Variants in ARHGAP39 observed in about 807,000 individuals in gnomAD.
The protein encoded by ARHGAP39 is rho GTPase-activating protein 39.
In ARHGAP39, 44 loss-of-function variants were observed where a neutral mutation model predicts 106.9. The observed-to-expected ratio is 0.41, with a 90% CI of 0.32 to 0.53. The LOEUF (loss-of-function observed/expected upper bound fraction) is 0.53. ARHGAP39 is among the 20% of genes least tolerant of loss of function. ARHGAP39 has a pLI of 0.21. For synonymous variants in ARHGAP39, 768 were observed against 693.2 expected, an observed-to-expected ratio of 1.11 and a Z score of -1.69; for missense variants, 1,496 against 1,577.3, an observed-to-expected ratio of 0.95 and a Z score of 0.87.
At chr8:144,588,164 C>T (rs932391567) in intron 2 of ARHGAP39, among the ~76,000 whole-genome samples, 10 of 152,358 alleles carry the variant, frequency 6.6e-5, no homozygotes, top group African/African-American at 2.4e-4. Context: ...ACTGTGGGGA[C>T]TCGTTGCCCT....
In ARHGAP39 at chr8:144,530,282, G is replaced by A. The variant is rs1051217642; in HGVS notation, c.*140C>T. On this transcript the variant is annotated 3_prime_UTR_variant, in exon 12 of 12. Coordinates refer to ENST00000377307, the MANE Select transcript of ARHGAP39 (RefSeq NM_025251.3). ...AGACCAGGCAGAAGACGTGGGGAGC[G>A]CCGGGGCCAGGGGCCTGGGGGAGTG... is the stretch of plus-strand genomic sequence containing the variant. 3.2e-6 allele frequency: 3 copies of A among 931,398 alleles called. No homozygotes were observed. Among genetic ancestry groups the A allele is most frequent in the Non-Finnish European group, 4.7e-6 (3 of 635,786 alleles). 57.7% of individuals were successfully genotyped at this position (931,398 alleles called of 1,614,324 possible).
Position 144,545,400 on chromosome 8 carries a change from C to T in ARHGAP39, c.2370G>A (p.Arg790=), listed in dbSNP as rs1293298393. The change falls in exon 6 of 12, where the codon CGG becomes CGA. Residue 790 remains arginine (R), a synonymous_variant. Coordinates refer to ENST00000377307, the MANE Select transcript of ARHGAP39 (RefSeq NM_025251.3). ...CCAGGCGGAAGTTCTCGGTGGTCTG[C>T]CGGCACAGCTGGATGTAGAGCTCGT... ...LRDELYIQLC[R]QTTENFRLES... is the part of the protein sequence containing the mutation. 37 of 1,567,844 alleles carry T rather than the reference C, an allele frequency of 2.4e-5. No individual in the cohort carries two copies. Among genetic ancestry groups the T allele is most frequent in the Non-Finnish European group, 3.2e-5 (37 of 1,155,196 alleles).
Position 144,533,148 on chromosome 8 carries a change from C to G in ARHGAP39, c.2866G>C (p.Asp956His). 6.2e-7 allele frequency: 1 copy of G among 1,606,564 alleles called. No individual in the cohort carries two copies. Among genetic ancestry groups the G allele is most frequent in the East Asian group, 2.2e-5 (1 of 44,816 alleles). The part of the protein sequence containing the change: ...LSEEVLALNG[D>H]QTEGIFRVPG... ...CACCTGAAGATGCCCTCTGTCTGGT[C>G]ACCGTTGAGCGCCAGCACCTCCTCA... is the stretch of plus-strand genomic sequence containing the variant. Residue 956 changes from aspartate to histidine, a missense_variant, in exon 9 of 12, where the codon GAC becomes CAC. Coordinates refer to ENST00000377307, the MANE Select transcript of ARHGAP39 (RefSeq NM_025251.3).
Position 144,655,743 on chromosome 8 carries a change from A to G in ARHGAP39, c.-82+29943T>C, listed in dbSNP as rs934983915. On this transcript the variant is annotated intron_variant, in intron 1 of 11. Transcript: ENST00000377307. ...ATACCTCATTCTTCCTGGATGCAGGACAAGAACTTGGGCAAAGGCGCCACT... is the reference window on the plus strand; with the variant it reads ...ATACCTCATTCTTCCTGGATGCAGGGCAAGAACTTGGGCAAAGGCGCCACT... 5.9e-5 allele frequency among the ~76,000 whole-genome samples: 9 copies of G among 152,164 alleles called. 1 individual carries two copies. The highest frequency in any genetic ancestry group is 8.8e-5 in the Non-Finnish European group (6 of 68,032).
chr8:144,578,559 CACTTTGGCTCATGT>C (rs1172329329), intron 3 of ARHGAP39, among the ~76,000 whole-genome samples: 4 of 152,162 alleles, frequency 2.6e-5, no homozygotes, highest in Admixed American at 6.6e-5. Context: ...TGGCCATGCA[CACTTTGGCTCATGT>C]ACTTTGGCTC....
At position 144,530,132 on chromosome 8, in the gene ARHGAP39, A is replaced by G. The variant is rs1586864986; in HGVS notation, c.*290T>C. 6.7e-6 allele frequency: 3 copies of G among 447,828 alleles called. No individual in the cohort carries two copies. The highest frequency in any genetic ancestry group is 5.9e-4 in the Middle Eastern group (1 of 1,684). The allele number at this position is 447,828 out of a possible 1,614,324, so 27.7% of individuals were successfully genotyped here. A position where few individuals can be genotyped will look rare whatever the true frequency, so the allele number is the denominator to read the frequency against. On this transcript the variant is annotated 3_prime_UTR_variant, in exon 12 of 12. Transcript: ENST00000377307. ...GCAGCGTCGCTCGGCTCCAGGACAC[A>G]GAAGGCACTTTCTCGGAGCTGACCC...
At chr8:144,666,355 G>C (rs1031454219) in intron 1 of ARHGAP39, among the ~76,000 whole-genome samples, 6 of 152,166 alleles carry the variant, frequency 3.9e-5, no homozygotes, top group African/African-American at 1.4e-4. Flanking sequence ...GACTTTGGGG[G>C]GCTGTTGGGA....
In ARHGAP39 at chr8:144,574,669, G is replaced by A. The variant is rs192816709; in HGVS notation, c.512+6177C>T. Among the ~76,000 whole-genome samples the A allele has an allele frequency of 2.3e-3, 352 of 152,236 alleles. 1 individual carries two copies. The highest frequency in any genetic ancestry group is 6.9e-3 in the African/African-American group (286 of 41,554). ...AGCCTGGGCGACAGAGCGAGACTCC[G>A]TCTCAAAAACAAAAAATAATAATAA... On this transcript the variant is annotated intron_variant, in intron 3 of 11. Transcript: ENST00000377307.
intron 2 of ARHGAP39, among the ~76,000 whole-genome samples, chr8:144,600,920 G>A (rs562463973): frequency 1.4e-5 from 2 of 145,228 alleles, no homozygotes; most frequent in South Asian, 2.2e-4. Context: ...GCAAGCTCAT[G>A]TACCTGTGTG....
chr8:144,552,834 T>C (rs955990080), intron 4 of ARHGAP39, among the ~76,000 whole-genome samples: 3 of 152,116 alleles, frequency 2.0e-5, no homozygotes, highest in Middle Eastern at 3.4e-3. Flanking sequence ...TGCATCCATA[T>C]AATTTATTTC....
chr8:144,578,820 A>C (rs1563683663), intron 3 of ARHGAP39, among the ~76,000 whole-genome samples: 1 of 151,824 alleles, frequency 6.6e-6, no homozygotes, highest in Non-Finnish European at 1.5e-5. Flanking sequence ...CTCCAGCCCC[A>C]GAGACAAAGA....
intron 1 of ARHGAP39, among the ~76,000 whole-genome samples, chr8:144,623,127 G>A (rs998672985): frequency 5.3e-5 from 8 of 152,168 alleles, no homozygotes; most frequent in African/African-American, 1.7e-4. Context: ...GTTTGGAGGA[G>A]GGCAAAAATA....
intron 3 of ARHGAP39, among the ~76,000 whole-genome samples, chr8:144,577,350 T>C (rs998440168): frequency 2.6e-5 from 4 of 152,158 alleles, no homozygotes; most frequent in Non-Finnish European, 4.4e-5. Context: ...AACCACGTGA[T>C]CATCTTAACT....
chr8:144,560,772 T>A (rs542671790), intron 3 of ARHGAP39, among the ~76,000 whole-genome samples: 21 of 152,348 alleles, frequency 1.4e-4, no homozygotes, highest in African/African-American at 5.1e-4. Context: ...TAAAGGAGCA[T>A]GACGTCAACA....
intron 2 of ARHGAP39, among the ~76,000 whole-genome samples, chr8:144,602,732 G>T (rs1181229653): frequency 6.9e-6 from 1 of 145,744 alleles, no homozygotes; most frequent in Non-Finnish European, 1.5e-5. Flanking sequence ...GTACCTGTGT[G>T]TGTGCATGGA....
intron 1 of ARHGAP39, among the ~76,000 whole-genome samples, chr8:144,673,036 G>A (rs1365430704): frequency 6.6e-6 from 1 of 152,116 alleles, no homozygotes; most frequent in Non-Finnish European, 1.5e-5. Flanking sequence ...GGGTAACAGG[G>A]TGAAATCCTG....
In ARHGAP39 at chr8:144,530,354, G is replaced by A; in HGVS notation, c.*68C>T. 1.3e-6 allele frequency: 2 copies of A among 1,487,738 alleles called. No homozygotes were observed. Among genetic ancestry groups the A allele is most frequent in the Non-Finnish European group, 9.1e-7 (1 of 1,102,422 alleles). 92.2% of individuals were successfully genotyped at this position (1,487,738 alleles called of 1,614,324 possible). A position where few individuals can be genotyped will look rare whatever the true frequency, so the allele number is the denominator to read the frequency against. On this transcript the variant is annotated 3_prime_UTR_variant, in exon 12 of 12. Coordinates refer to ENST00000377307, the MANE Select transcript of ARHGAP39 (RefSeq NM_025251.3). ...CGGGCGATTCTGGCCCCTCTGCCGG[G>A]AGAGCGAGTGCGGAGTTCGGCCTGG...
rs1037710737 is a variant in ARHGAP39 at position 144,678,134 on chromosome 8, A to G, written c.-82+7552T>C. Among the ~76,000 whole-genome samples the G allele has an allele frequency of 4.1e-4, 63 of 152,082 alleles. 2 individuals carry two copies. The highest frequency in any genetic ancestry group is 4.1e-3 in the Admixed American group (63 of 15,272). On this transcript the variant is annotated intron_variant, in intron 1 of 11. Coordinates refer to ENST00000377307, the MANE Select transcript of ARHGAP39 (RefSeq NM_025251.3). The stretch of plus-strand genomic sequence containing the variant: ...TTCAGAACACAAACAGCCAAGTGCC[A>G]TGGCTCATGTCTACAATCCTGGCAC...
chr8:144,550,122 C>A (rs1223252550), intron 4 of ARHGAP39, among the ~76,000 whole-genome samples: 1 of 151,784 alleles, frequency 6.6e-6, no homozygotes, highest in East Asian at 1.9e-4. Flanking sequence ...AAACATAAAC[C>A]AATTAGCCGA....
Sources: gnomAD v4.1 joint callset for allele counts (sites outside exome capture counted in the v4.1 genomes callset) on GRCh38, gnomAD v4.1.1 for gene constraint, MANE v1.5 for transcripts, NCBI Gene and HGNC (gene_info 2026-07-23, HGNC 2026-07-21) for gene names.